The following TRDN variants were observed in gnomAD, a reference collection of about 807,000 sequenced individuals.
TRDN encodes triadin.
A neutral mutation model predicts 149.7 loss-of-function variants in TRDN; 161 were observed. That is an observed-to-expected ratio of 1.08 (90% CI 0.95 to 1.23). TRDN has a LOEUF of 1.23. Among genes scored for constraint, TRDN ranks in the 50% most tolerant of loss-of-function variants. The probability of loss-of-function intolerance (pLI) is 0.00; values close to 1 mark genes in which losing one functional copy is unlikely to be tolerated. For synonymous variants in TRDN, 294 were observed against 250.5 expected, an observed-to-expected ratio of 1.17 and a Z score of -1.64; for missense variants, 896 against 823.5, an observed-to-expected ratio of 1.09 and a Z score of -1.08.
At chr6:123,341,746 C>T (rs1780071317) in intron 21 of TRDN, among the ~76,000 whole-genome samples, 1 of 151,878 alleles carries the variant, frequency 6.6e-6, no homozygotes, top group East Asian at 1.9e-4. Flanking sequence ...CCAAAAGCAT[C>T]AACTAGAAAA....
At chr6:123,269,063 C>G (rs999534572) in intron 31 of TRDN, among the ~76,000 whole-genome samples, 2 of 151,982 alleles carry the variant, frequency 1.3e-5, no homozygotes, top group Non-Finnish European at 2.9e-5. Context: ...ATTTGACCAA[C>G]AGCCATTCAT....
At chr6:123,272,676 C>A (rs775386947) in intron 29 of TRDN, among the ~76,000 whole-genome samples, 4 of 151,826 alleles carry the variant, frequency 2.6e-5, no homozygotes, top group Non-Finnish European at 5.9e-5. Context: ...CAGAATAAAA[C>A]AGAAAGTATA....
rs2114505384 is a variant in TRDN, at chr6:123,224,096, T to G, written c.2011A>C (p.Lys671Gln). The part of the protein sequence containing the change: ...VEDVPASKKA[K>Q]EGTEDVSPTK... ...GATCCAAAGACAGCAAACTCACCTT[T>G]AGCTTTCTTTGAAGCTGGTACATCT... The change falls in exon 39 of 41, where the codon AAA becomes CAA. Residue 671 changes from lysine to glutamine, a missense_variant. Physicochemically the swap from Lys to Gln is moderately conservative, Grantham distance 53. Coordinates refer to ENST00000334268, the MANE Select transcript of TRDN (RefSeq NM_006073.4). 6.2e-7 allele frequency: 1 copy of G among 1,610,306 alleles called. No homozygotes were observed. The highest frequency in any genetic ancestry group is 8.5e-7 in the Non-Finnish European group (1 of 1,177,908).
chr6:123,502,356 A>AT, intron 8 of TRDN: 2 of 724,206 alleles, frequency 2.8e-6, no homozygotes, highest in Non-Finnish European at 1.7e-6. Flanking sequence ...ATGGTGATAT[A>AT]ATCACCTTGA....
chr6:123,584,436 G>GGCT (rs975343262), intron 1 of TRDN, among the ~76,000 whole-genome samples: 46 of 152,166 alleles, frequency 3.0e-4, no homozygotes, highest in African/African-American at 9.9e-4. Flanking sequence ...TGGACAGAAA[G>GGCT]GCTACAGGGT....
In TRDN at chr6:123,336,940, G is replaced by C. The variant is rs529623625; in HGVS notation, c.1420+679C>G. On this transcript the variant is annotated intron_variant, in intron 22 of 40. Transcript: ENST00000334268. ...TCAGAAGAGAGGGGACTCATTGAAGGCTGAAATAGGTAGAGAAGGCTTGAT... is the reference window on the plus strand; with the variant it reads ...TCAGAAGAGAGGGGACTCATTGAAGCCTGAAATAGGTAGAGAAGGCTTGAT... Among the ~76,000 whole-genome samples the C allele has an allele frequency of 2.0e-5, 3 of 151,970 alleles. No homozygotes were observed. The South Asian group carries it at 6.2e-4, about 32-fold the overall frequency.
intron 12 of TRDN, among the ~76,000 whole-genome samples, chr6:123,417,479 C>A (rs529055611): frequency 6.6e-6 from 1 of 152,232 alleles, no homozygotes; most frequent in South Asian, 2.1e-4. Context: ...TTATAAAGGG[C>A]TATTTCTGTG....
At chr6:123,420,914 C>G (rs1232426771) in intron 12 of TRDN, among the ~76,000 whole-genome samples, 1 of 152,140 alleles carries the variant, frequency 6.6e-6, no homozygotes, top group Non-Finnish European at 1.5e-5. Context: ...TATTGTTTAA[C>G]AACAACTGAA....
intron 1 of TRDN, among the ~76,000 whole-genome samples, chr6:123,633,021 T>A (rs1786090653): frequency 6.6e-6 from 1 of 152,080 alleles, no homozygotes; most frequent in Non-Finnish European, 1.5e-5. Flanking sequence ...ATTCGGCTAA[T>A]GGTAAGGAAA....
At chr6:123,266,339 T>C (rs1486336426) in intron 32 of TRDN, among the ~76,000 whole-genome samples, 1 of 114,448 alleles carries the variant, frequency 8.7e-6, no homozygotes, top group Non-Finnish European at 1.6e-5. Context: ...TTATGATATG[T>C]ATTATATATA....
chr6:123,238,793 G>A (rs79719564), intron 38 of TRDN, among the ~76,000 whole-genome samples: 10,071 of 152,000 alleles, frequency 0.066, 841 homozygotes, highest in African/African-American at 0.2. Context: ...AAAGAAAGCT[G>A]GAATAATTAT....
intron 24 of TRDN, among the ~76,000 whole-genome samples, chr6:123,307,418 C>A (rs1363139562): frequency 6.6e-6 from 1 of 152,036 alleles, no homozygotes; most frequent in Non-Finnish European, 1.5e-5. Context: ...CTATCATAAA[C>A]ATGAAGACAG....
At chr6:123,569,444 T>C (rs1366542741) in intron 2 of TRDN, among the ~76,000 whole-genome samples, 3 of 152,226 alleles carry the variant, frequency 2.0e-5, no homozygotes, top group African/African-American at 7.2e-5. Flanking sequence ...CATTTTCTGG[T>C]ATCCTTATAG....
At chr6:123,586,319 T>C (rs1202826361) in intron 1 of TRDN, among the ~76,000 whole-genome samples, 1 of 151,754 alleles carries the variant, frequency 6.6e-6, no homozygotes, top group Non-Finnish European at 1.5e-5. Flanking sequence ...TGAGGAAGAA[T>C]TGGGACCTAG....
chr6:123,263,092 C>T (rs543669003), intron 33 of TRDN, among the ~76,000 whole-genome samples: 8 of 152,096 alleles, frequency 5.3e-5, no homozygotes, highest in African/African-American at 1.9e-4. Context: ...TTAGGCCTCA[C>T]GTACCAAAGA....
intron 21 of TRDN, among the ~76,000 whole-genome samples, chr6:123,348,282 G>C (rs575198845): frequency 6.6e-6 from 1 of 152,178 alleles, no homozygotes; most frequent in African/African-American, 2.4e-5. Flanking sequence ...ATGTTGTGTA[G>C]AATATTGATA....
At chr6:123,590,899 CA>C (rs1191438172) in intron 1 of TRDN, among the ~76,000 whole-genome samples, 2 of 152,042 alleles carry the variant, frequency 1.3e-5, no homozygotes, top group African/African-American at 2.4e-5. Context: ...TCTCTGGTGC[CA>C]AAAAGAATGG....
chr6:123,258,823 A>G lies in TRDN; in HGVS notation c.1870+801T>C, dbSNP rs1776652559. ...TACTGCCTCAATTCCAGAACTTGTT[A>G]TTGGTCTAGTCAGGGATTCAACTTC... is the stretch of plus-strand genomic sequence containing the variant. On this transcript the variant is annotated intron_variant, in intron 35 of 40. Transcript: ENST00000334268. Among the ~76,000 whole-genome samples, 6 of 152,024 alleles carry G rather than the reference A, an allele frequency of 3.9e-5. No homozygotes were observed. In the South Asian group the frequency reaches 1.2e-3, roughly 32 times the overall value.
intron 19 of TRDN, among the ~76,000 whole-genome samples, chr6:123,372,549 A>G (rs945690548): frequency 2.0e-5 from 3 of 152,144 alleles, no homozygotes; most frequent in African/African-American, 7.2e-5. Flanking sequence ...CTGACCATGC[A>G]TATGGAATAC....
Sources: allele counts gnomAD v4.1 joint callset (sites outside exome capture counted in the v4.1 genomes callset), GRCh38; gene constraint gnomAD v4.1.1; transcripts MANE v1.5; gene names NCBI Gene and HGNC (gene_info 2026-07-23, HGNC 2026-07-21).